The following CENPW variants were observed in gnomAD, a reference collection of about 807,000 sequenced individuals.
The protein encoded by CENPW is cancer-up-regulated gene 2 protein.
Under a neutral mutation model 11.1 loss-of-function variants are expected in CENPW, and 3 were observed. That is an observed-to-expected ratio of 0.27 (90% confidence interval 0.12 to 0.70). CENPW has a LOEUF of 0.70. Among genes scored for constraint, CENPW ranks in the 30% least tolerant of loss-of-function variants. The probability of loss-of-function intolerance (pLI) is 0.77; values close to 1 mark genes in which losing one functional copy is unlikely to be tolerated. For synonymous variants in CENPW, 38 were observed against 42.0 expected (o/e 0.91, Z 0.37); for missense variants, 100 against 105.6 (o/e 0.95, Z 0.23).
At chr6:126,432,095 G>A in the CENPW span, among the ~76,000 whole-genome samples, 1 of 150,276 alleles carries the variant, frequency 6.7e-6, no homozygotes, top group East Asian at 2.0e-4. Context: ...AAAAAAAGAG[G>A]GTATTTTTCT....
the CENPW span, among the ~76,000 whole-genome samples, chr6:126,383,280 A>G: frequency 6.6e-6 from 1 of 152,178 alleles, no homozygotes; most frequent in Non-Finnish European, 1.5e-5. Flanking sequence ...AGAAGTACTA[A>G]ATATGAAAAG....
the CENPW span, among the ~76,000 whole-genome samples, chr6:126,390,354 G>A: frequency 6.6e-6 from 1 of 151,748 alleles, no homozygotes; most frequent in Non-Finnish European, 1.5e-5. Flanking sequence ...CATAGCAGGT[G>A]TATATATTTA....
chr6:126,378,414 C>G, the CENPW span, among the ~76,000 whole-genome samples: 2 of 151,592 alleles, frequency 1.3e-5, no homozygotes, highest in Non-Finnish European at 2.9e-5. Flanking sequence ...TAGTTTTGCA[C>G]TCTGCTATAA....
the CENPW span, among the ~76,000 whole-genome samples, chr6:126,424,481 T>C: frequency 6.6e-6 from 1 of 152,156 alleles, no homozygotes; most frequent in Non-Finnish European, 1.5e-5. Context: ...ACATGCAGTA[T>C]ATGCACCTAT....
At chr6:126,467,674 C>T in the CENPW span, among the ~76,000 whole-genome samples, 2 of 152,050 alleles carry the variant, frequency 1.3e-5, no homozygotes, top group Non-Finnish European at 2.9e-5. Flanking sequence ...TGAGACAAAT[C>T]TCCCAGACAG....
At chr6:126,451,139 A>G in the CENPW span, among the ~76,000 whole-genome samples, 1 of 151,106 alleles carries the variant, frequency 6.6e-6, no homozygotes, top group African/African-American at 2.4e-5. Flanking sequence ...GAGTATAGTC[A>G]AAGTTAAATA....
chr6:126,373,119 C>T, the CENPW span, among the ~76,000 whole-genome samples: 1 of 152,112 alleles, frequency 6.6e-6, no homozygotes, highest in Non-Finnish European at 1.5e-5. Flanking sequence ...AATAATGTTT[C>T]AGATTCTGAA....
chr6:126,408,849 A>C, the CENPW span, among the ~76,000 whole-genome samples: 4 of 151,478 alleles, frequency 2.6e-5, no homozygotes, highest in Non-Finnish European at 5.9e-5. Flanking sequence ...TATTTGTGTG[A>C]GTCTTCTCTG....
At chr6:126,348,152 AT>A (rs1780443539) in intron 2 of CENPW, among the ~76,000 whole-genome samples, 1 of 151,970 alleles carries the variant, frequency 6.6e-6, no homozygotes, top group African/African-American at 2.4e-5. Context: ...AAAATTTCAA[AT>A]TCGAAACCAT....
chr6:126,480,407 T>C, the CENPW span, among the ~76,000 whole-genome samples: 1 of 152,018 alleles, frequency 6.6e-6, no homozygotes, highest in Non-Finnish European at 1.5e-5. Flanking sequence ...TGGGTGGCCA[T>C]GGACAAATTA....
the CENPW span, among the ~76,000 whole-genome samples, chr6:126,479,504 C>G: frequency 1.3e-5 from 2 of 151,942 alleles, no homozygotes; most frequent in African/African-American, 4.8e-5. Flanking sequence ...GGGACACATT[C>G]TGGATTTTCT....
At chr6:126,405,708 G>A in the CENPW span, among the ~76,000 whole-genome samples, 1 of 152,092 alleles carries the variant, frequency 6.6e-6, no homozygotes, top group African/African-American at 2.4e-5. Context: ...TCATTATAGA[G>A]AATGTTCATC....
the CENPW span, among the ~76,000 whole-genome samples, chr6:126,373,087 T>A: frequency 1.3e-5 from 2 of 152,214 alleles, no homozygotes; most frequent in Non-Finnish European, 2.9e-5. Flanking sequence ...ATAATAAATG[T>A]ACAAGATATA....
At position 126,348,505 on chromosome 6, in the gene CENPW, A is replaced by T; in HGVS notation, c.*13A>T. On this transcript the variant is annotated 3_prime_UTR_variant, in exon 3 of 3. Transcript: ENST00000368328. ...GAGCAGAGGTTAGAAGTCAAAGAAC[A>T]TATTCTTGAAAGTTATGATGCATTC... is the stretch of plus-strand genomic sequence containing the variant. 6.9e-7 allele frequency: 1 copy of T among 1,441,450 alleles called. No individual in the cohort carries two copies. Among genetic ancestry groups the T allele is most frequent in the Non-Finnish European group, 9.7e-7 (1 of 1,026,500 alleles). 89.3% of individuals were successfully genotyped at this position (1,441,450 alleles called of 1,614,324 possible).
At chr6:126,453,741 A>T in the CENPW span, among the ~76,000 whole-genome samples, 1 of 151,230 alleles carries the variant, frequency 6.6e-6, no homozygotes, top group Non-Finnish European at 1.5e-5. Flanking sequence ...TAAATGGCTT[A>T]ATTAAAGGGC....
chr6:126,377,521 C>G, the CENPW span, among the ~76,000 whole-genome samples: 6 of 152,152 alleles, frequency 3.9e-5, no homozygotes, highest in African/African-American at 1.4e-4. Context: ...GAAACAGTTT[C>G]TGCAGTGTTA....
chr6:126,400,865 T>C, the CENPW span, among the ~76,000 whole-genome samples: 1 of 152,136 alleles, frequency 6.6e-6, no homozygotes, highest in Non-Finnish European at 1.5e-5. Context: ...CATTTCACAT[T>C]TCTAGCATTT....
At chr6:126,389,409 A>C in the CENPW span, among the ~76,000 whole-genome samples, 12 of 151,900 alleles carry the variant, frequency 7.9e-5, no homozygotes, top group African/African-American at 2.9e-4. Context: ...TTTCTCCCAA[A>C]CATTTCTTGG....
At chr6:126,412,359 C>T in the CENPW span, among the ~76,000 whole-genome samples, 1 of 151,716 alleles carries the variant, frequency 6.6e-6, no homozygotes, top group African/African-American at 2.4e-5. Context: ...TTTCTCCCAG[C>T]AACTTAAATA....
Sources: allele counts gnomAD v4.1 joint callset (sites outside exome capture counted in the v4.1 genomes callset), GRCh38; gene constraint gnomAD v4.1.1; transcripts MANE v1.5; gene names NCBI Gene and HGNC (gene_info 2026-07-23, HGNC 2026-07-21).